The following GBP4 variants were observed in gnomAD, a reference collection of about 807,000 sequenced individuals.
The protein encoded by GBP4 is guanylate binding protein 4.
Under a neutral mutation model 62.2 loss-of-function variants are expected in GBP4, and 69 were observed. The observed-to-expected ratio is 1.11, with a 90% CI of 0.91 to 1.36. GBP4 has a LOEUF of 1.36. Ranked by LOEUF, GBP4 falls within the 40% of genes most tolerant of loss-of-function variation. GBP4 has a pLI of 0.00. For missense variants in GBP4, 697 were observed against 759.3 expected, an observed-to-expected ratio of 0.92 and a Z score of 0.96; for synonymous variants, 278 against 274.6, an observed-to-expected ratio of 1.01 and a Z score of -0.12.
chr1:89,193,069 C>A lies in GBP4; in HGVS notation c.505G>T (p.Ala169Ser), dbSNP rs1450097635. 6.2e-7 allele frequency: 1 copy of A among 1,614,036 alleles called. No individual in the cohort carries two copies. The highest frequency in any genetic ancestry group is 1.7e-5 in the Admixed American group (1 of 60,000). Residue 169 changes from alanine to serine, a missense_variant, in exon 5 of 11, where the codon GCA (alanine) becomes TCA (serine). By Grantham distance (99) the Ala-to-Ser change is moderately conservative. Around this residue, in one of 2 missense-constraint regions of GBP4, gnomAD observed 556 missense variants for 562.7 expected, o/e 0.99. Coordinates refer to ENST00000355754, the MANE Select transcript of GBP4 (RefSeq NM_052941.5). ...TCATCAGGTCTGGGGCAGGATTTTG[C>A]CCTGATTAGCTCTGCTAGCTCAGTC... ...YVTELAELIR[A>S]KSCPRPDEAE... is the part of the protein sequence containing the mutation.
chr1:89,193,630 A>G (rs1349061177), intron 3 of GBP4, among the ~76,000 whole-genome samples: 2 of 152,248 alleles, frequency 1.3e-5, no homozygotes, highest in Non-Finnish European at 2.9e-5. Flanking sequence ...GACATTGTCA[A>G]TGTGAGTAAC....
At chr1:89,193,597 C>T (rs952034030) in intron 3 of GBP4, among the ~76,000 whole-genome samples, 185 bp from the exon 4 acceptor site, 1 of 152,270 alleles carries the variant, frequency 6.6e-6, no homozygotes, top group Middle Eastern at 3.4e-3. Flanking sequence ...TTCAGGCTAT[C>T]GGTTCATTTA....
chr1:89,198,647 G>A (rs1206164085), intron 1 of GBP4, 148 bp downstream of exon 1: 1 of 738,118 alleles, frequency 1.4e-6, no homozygotes, highest in Non-Finnish European at 2.4e-6. Context: ...AGCAGCATCA[G>A]ACTTCCCCGC....
chr1:89,190,897 C>T (rs933093476), intron 6 of GBP4, among the ~76,000 whole-genome samples: 11 of 152,084 alleles, frequency 7.2e-5, no homozygotes, highest in Non-Finnish European at 8.8e-5. Context: ...TCTCAATGAG[C>T]TTGCATGGAA....
rs370833044 is a variant in GBP4, at chr1:89,184,054, C to G, written c.*1200G>C. 6.6e-6 allele frequency: 1 copy of G among 152,004 alleles called. No individual in the cohort carries two copies. Among genetic ancestry groups the G allele is most frequent in the Non-Finnish European group, 1.5e-5 (1 of 68,006 alleles). The allele number at this position is 152,004 out of a possible 1,614,324, so 9.4% of individuals were successfully genotyped here. A position where few individuals can be genotyped will look rare whatever the true frequency, so the allele number is the denominator to read the frequency against. On this transcript the variant is annotated 3_prime_UTR_variant, in exon 11 of 11. Transcript: ENST00000355754. ...GCAACCCCATTAAAAAGAAAGTGGGCAAAGAACATGAACACATTTCAAAAG... is the reference window on the plus strand; with the variant it reads ...GCAACCCCATTAAAAAGAAAGTGGGGAAAGAACATGAACACATTTCAAAAG...
Position 89,185,225 on chromosome 1 carries a change from A to G in GBP4, c.*29T>C, listed in dbSNP as rs377676150. ...ATTAAAATAAAATAAACCTCATTTT[A>G]TATTTTCTTACCTGGAATATTCAGG... On this transcript the variant is annotated 3_prime_UTR_variant, in exon 11 of 11. Transcript: ENST00000355754. 1.9e-4 allele frequency: 253 copies of G among 1,322,598 alleles called. No homozygotes were observed. The highest frequency in any genetic ancestry group is 2.6e-4 in the Non-Finnish European group (244 of 921,022). 81.9% of individuals were successfully genotyped at this position (1,322,598 alleles called of 1,614,324 possible). A position where few individuals can be genotyped will look rare whatever the true frequency, so the allele number is the denominator to read the frequency against.
Position 89,192,893 on chromosome 1 carries a change from T to C in GBP4, c.670+11A>G. The C allele has an allele frequency of 1.9e-6, 3 of 1,612,350 alleles. No individual in the cohort carries two copies. The highest frequency in any genetic ancestry group is 2.5e-6 in the Non-Finnish European group (3 of 1,178,646). ...ACTGAACCTTCCCACATCCAGGCCA[T>C]GCTCTGATACCTGGAATCAGCTTCA... On this transcript the variant is annotated intron_variant, in intron 5 of 10. Coordinates refer to ENST00000355754, the MANE Select transcript of GBP4 (RefSeq NM_052941.5).
At chr1:89,188,916 A>G in intron 7 of GBP4, 122 bp from the exon 8 acceptor site, 1 of 959,654 alleles carries the variant, frequency 1.0e-6, no homozygotes, top group Non-Finnish European at 1.6e-6. Flanking sequence ...GTGTAGACCA[A>G]GAGTCACAAG....
intron 1 of GBP4, among the ~76,000 whole-genome samples, chr1:89,197,948 T>C (rs1181610301): frequency 6.6e-6 from 1 of 151,746 alleles, no homozygotes; most frequent in Non-Finnish European, 1.5e-5. Flanking sequence ...GAGAGACGGC[T>C]AGTGCTCAAA....
intron 1 of GBP4, 123 bp downstream of exon 1, chr1:89,198,672 G>T: frequency 1.2e-6 from 1 of 855,964 alleles, no homozygotes. Context: ...TTCCTCCACT[G>T]CCTTTGTCAC....
chr1:89,192,903 C>A lies in GBP4; in HGVS notation c.670+1G>T. ...CCCACATCCAGGCCATGCTCTGATA[C>A]CTGGAATCAGCTTCAAGGCATTCTC... On this transcript the variant is annotated splice_donor_variant, in intron 5 of 10. Coordinates refer to ENST00000355754, the MANE Select transcript of GBP4 (RefSeq NM_052941.5). LOFTEE classifies it high-confidence loss of function. The A allele has an allele frequency of 6.2e-7, 1 of 1,613,270 alleles. No homozygotes were observed. The highest frequency in any genetic ancestry group is 8.5e-7 in the Non-Finnish European group (1 of 1,179,360).
At chr1:89,185,634 T>A (rs1648015773) in intron 10 of GBP4, among the ~76,000 whole-genome samples, 165 bp from the exon 11 acceptor site, 1 of 152,224 alleles carries the variant, frequency 6.6e-6, no homozygotes, top group Non-Finnish European at 1.5e-5. Context: ...TGGACCTGAA[T>A]CATGGGAGTA....
At chr1:89,197,709 GA>G (rs1343781532) in intron 1 of GBP4, among the ~76,000 whole-genome samples, 2 of 152,160 alleles carry the variant, frequency 1.3e-5, no homozygotes, top group African/African-American at 2.4e-5. Flanking sequence ...GGAGTGGTTA[GA>G]AAAGGCTCCA....
chr1:89,192,864 C>A, intron 5 of GBP4, 40 bp downstream of exon 5: 3 of 1,588,164 alleles, frequency 1.9e-6, no homozygotes, highest in Non-Finnish European at 2.6e-6. Context: ...TGATCCTACC[C>A]CCCACTGAAC....
At chr1:89,189,662 C>T (rs1170246138) in intron 7 of GBP4, among the ~76,000 whole-genome samples, 2 of 152,180 alleles carry the variant, frequency 1.3e-5, no homozygotes, top group African/African-American at 4.8e-5. Context: ...TGCATCATTG[C>T]TGACTTGAAG....
At chr1:89,186,102 G>T (rs939579079) in intron 10 of GBP4, among the ~76,000 whole-genome samples, 1 of 152,172 alleles carries the variant, frequency 6.6e-6, no homozygotes, top group African/African-American at 2.4e-5. Context: ...CAGCAGCCTG[G>T]GACCCTGGGA....
rs1313679158 is a variant in GBP4, at chr1:89,191,249, A to G, written c.916+12T>C. 6.2e-7 allele frequency: 1 copy of G among 1,608,994 alleles called. No individual in the cohort carries two copies. Among genetic ancestry groups the G allele is most frequent in the Non-Finnish European group, 8.5e-7 (1 of 1,175,604 alleles). On this transcript the variant is annotated intron_variant, in intron 6 of 10. Coordinates refer to ENST00000355754, the MANE Select transcript of GBP4 (RefSeq NM_052941.5). Reference sequence around the variant, plus strand: ...CACAGACAGACATGCTTTGGGACAAAAAAAGACTCACGCTTTCCAGTGACA... The same window carrying G: ...CACAGACAGACATGCTTTGGGACAAGAAAAGACTCACGCTTTCCAGTGACA...
intron 5 of GBP4, among the ~76,000 whole-genome samples, chr1:89,191,943 C>T (rs550532661): frequency 2.0e-5 from 3 of 152,154 alleles, no homozygotes; most frequent in African/African-American, 7.2e-5. Flanking sequence ...AGAAAAATAT[C>T]ATGAAGGTGA....
intron 2 of GBP4, among the ~76,000 whole-genome samples, chr1:89,196,081 A>T (rs1163172270): frequency 6.6e-6 from 1 of 152,212 alleles, no homozygotes; most frequent in African/African-American, 2.4e-5. Flanking sequence ...TTCTGAGAAT[A>T]TTACACAAAG....
Sources: allele counts gnomAD v4.1 joint callset (sites outside exome capture counted in the v4.1 genomes callset), GRCh38; gene constraint gnomAD v4.1.1; regional missense constraint gnomAD v4.1.1; transcripts MANE v1.5; gene names NCBI Gene and HGNC (gene_info 2026-07-23, HGNC 2026-07-21).